ANGPTL2: variants seen among roughly 807,000 people sequenced by gnomAD.
The protein encoded by ANGPTL2 is angiopoietin like 2, also known as angiopoietin-related protein 2.
ANGPTL2 carries 25 observed loss-of-function variants against 52.8 expected under a neutral mutation model. The observed-to-expected ratio is 0.47, with a 90% CI of 0.35 to 0.66. The LOEUF (loss-of-function observed/expected upper bound fraction) is 0.66, where lower values mean the gene tolerates loss of function less well. Ranked by LOEUF, ANGPTL2 falls within the 30% of genes least tolerant of loss-of-function variation. The probability of loss-of-function intolerance (pLI) is 0.01; values close to 1 mark genes in which losing one functional copy is unlikely to be tolerated. For synonymous variants in ANGPTL2, 276 were observed against 277.4 expected (o/e 1.00, Z 0.05); for missense variants, 546 against 656.9 (o/e 0.83, Z 1.84).
intron 2 of ANGPTL2, among the ~76,000 whole-genome samples, chr9:127,107,372 C>T (rs1194797518): frequency 2.0e-5 from 3 of 152,312 alleles, no homozygotes; most frequent in African/African-American, 7.2e-5. Flanking sequence ...CATATGGAAG[C>T]ATCATTGAAA....
At chr9:127,106,093 G>A (rs979836054) in intron 2 of ANGPTL2, among the ~76,000 whole-genome samples, 1 of 152,222 alleles carries the variant, frequency 6.6e-6, no homozygotes, top group Non-Finnish European at 1.5e-5. Flanking sequence ...CCTATACTAT[G>A]TATCTGCCAG....
At chr9:127,093,953 C>G in intron 2 of ANGPTL2, 27 bp from the exon 3 acceptor site, 1 of 1,604,066 alleles carries the variant, frequency 6.2e-7, no homozygotes, top group Non-Finnish European at 8.5e-7. Context: ...GCATATACAT[C>G]ACAGACCTGC....
chr9:127,104,456 T>C (rs531273573), intron 2 of ANGPTL2, among the ~76,000 whole-genome samples: 3 of 152,280 alleles, frequency 2.0e-5, no homozygotes, highest in South Asian at 4.2e-4. Flanking sequence ...GCAGGATAGG[T>C]GGGGCAGAGG....
chr9:127,112,848 C>T (rs1446925461), intron 1 of ANGPTL2, among the ~76,000 whole-genome samples: 1 of 152,232 alleles, frequency 6.6e-6, no homozygotes, highest in East Asian at 1.9e-4. Context: ...CTAATGCTTG[C>T]ACAGGGCTTT....
At chr9:127,097,320 C>T (rs775479678) in intron 2 of ANGPTL2, among the ~76,000 whole-genome samples, 7 of 152,122 alleles carry the variant, frequency 4.6e-5, no homozygotes, top group Non-Finnish European at 1.0e-4. Context: ...CTAGAATAAT[C>T]GAGTAGGTAT....
intron 1 of ANGPTL2, among the ~76,000 whole-genome samples, chr9:127,110,951 G>A (rs1025344292): frequency 1.2e-4 from 18 of 151,970 alleles, no homozygotes; most frequent in African/African-American, 4.4e-4. Context: ...CAGCCAGAGT[G>A]GTCCTTTTTA....
intron 2 of ANGPTL2, among the ~76,000 whole-genome samples, chr9:127,096,753 A>G (rs1383365976): frequency 6.6e-6 from 1 of 152,234 alleles, no homozygotes; most frequent in Non-Finnish European, 1.5e-5. Context: ...ATACAGTTTC[A>G]GAAGGTAATG....
chr9:127,090,716 G>A (rs749313577), intron 4 of ANGPTL2, among the ~76,000 whole-genome samples: 1 of 152,232 alleles, frequency 6.6e-6, no homozygotes, highest in Non-Finnish European at 1.5e-5. Context: ...ATGGAGGCAG[G>A]AGGGGACTGG....
chr9:127,112,197 T>A (rs1229557586), intron 1 of ANGPTL2, among the ~76,000 whole-genome samples: 4 of 152,228 alleles, frequency 2.6e-5, no homozygotes, highest in Non-Finnish European at 4.4e-5. Flanking sequence ...AGCTTCTGGT[T>A]TGGGCTCTGC....
chr9:127,089,374 A>T (rs562712912), intron 4 of ANGPTL2, among the ~76,000 whole-genome samples: 1 of 152,198 alleles, frequency 6.6e-6, no homozygotes, highest in Admixed American at 6.5e-5. Flanking sequence ...TCTCCCAGCC[A>T]CTGTATCCTC....
chr9:127,101,577 A>T (rs533720363), intron 2 of ANGPTL2, among the ~76,000 whole-genome samples: 18 of 152,274 alleles, frequency 1.2e-4, no homozygotes, highest in African/African-American at 4.3e-4. Context: ...CCAGCTGAGA[A>T]CCAATAATAA....
At position 127,107,877 on chromosome 9, in the gene ANGPTL2, C is replaced by T. The variant is rs771700007; in HGVS notation, c.817+38G>A. 2.7e-6 allele frequency: 4 copies of T among 1,508,296 alleles called. No homozygotes were observed. The African/African-American group carries it at 5.6e-5, about 21-fold the overall frequency. The allele number at this position is 1,508,296 out of a possible 1,614,324, so 93.4% of individuals were successfully genotyped here. On this transcript the variant is annotated intron_variant, in intron 2 of 4. Transcript: ENST00000373425. Reference sequence around the variant, plus strand: ...GCCAAGGGAAGCCTGGTGCCTGGCTCTGAGACCCACATGTAACACGATCCC... The same window carrying T: ...GCCAAGGGAAGCCTGGTGCCTGGCTTTGAGACCCACATGTAACACGATCCC...
At chr9:127,114,660 T>C (rs1346643048) in intron 1 of ANGPTL2, among the ~76,000 whole-genome samples, 1 of 152,178 alleles carries the variant, frequency 6.6e-6, no homozygotes, top group East Asian at 1.9e-4. Context: ...GCACTGCCCA[T>C]TGGTCTGTGA....
rs116782593 is a variant in ANGPTL2 at position 127,113,942 on chromosome 9, A to G, written c.-49-5162T>C. 3.9e-3 allele frequency among the ~76,000 whole-genome samples: 595 copies of G among 152,348 alleles called. 5 individuals are homozygous for G. Among genetic ancestry groups the G allele is most frequent in the African/African-American group, 0.013 (561 of 41,584 alleles). ...TGGGAAGAGCTGTCATTTTCATCAG[A>G]TGGAGCTGTGTGTTCTGCCCTGCAG... On this transcript the variant is annotated intron_variant, in intron 1 of 4. Transcript: ENST00000373425.
Position 127,108,568 on chromosome 9 carries a change from G to C in ANGPTL2, c.164C>G (p.Thr55Ser). ...CTGCTGGGGCACAATGAAGGTGTAG[G>C]TGCACTTGTCCTGGGACTCGCCCGC... Reference protein sequence around the residue: ...KRAGESQDKCTYTFIVPQQRV... With the variant: ...KRAGESQDKCSYTFIVPQQRV... Residue 55 changes from threonine (T) to serine (S), a missense_variant, in exon 2 of 5, where the codon ACC becomes AGC. Transcript: ENST00000373425. 6.2e-7 allele frequency: 1 copy of C among 1,613,464 alleles called. No individual in the cohort carries two copies. The highest frequency in any genetic ancestry group is 8.5e-7 in the Non-Finnish European group (1 of 1,179,864).
chr9:127,112,719 T>C (rs924899619), intron 1 of ANGPTL2, among the ~76,000 whole-genome samples: 2 of 152,084 alleles, frequency 1.3e-5, no homozygotes, highest in African/African-American at 2.4e-5. Flanking sequence ...AAGCGGGAGA[T>C]TGGAATAATG....
chr9:127,119,497 T>C (rs186829794), intron 1 of ANGPTL2, among the ~76,000 whole-genome samples: 1 of 152,336 alleles, frequency 6.6e-6, no homozygotes, highest in Admixed American at 6.5e-5. Context: ...CAGTCCCACA[T>C]AATCACATAA....
chr9:127,106,721 C>A (rs762088185), intron 2 of ANGPTL2, among the ~76,000 whole-genome samples: 1 of 152,226 alleles, frequency 6.6e-6, no homozygotes, highest in Non-Finnish European at 1.5e-5. Context: ...ACCTCACCCA[C>A]CCCATCTGAA....
In ANGPTL2 at chr9:127,108,257, C is replaced by T; in HGVS notation, c.475G>A (p.Glu159Lys). 6.2e-7 allele frequency: 1 copy of T among 1,614,042 alleles called. No individual in the cohort carries two copies. Among genetic ancestry groups the T allele is most frequent in the Non-Finnish European group, 8.5e-7 (1 of 1,180,010 alleles). Reference protein sequence around the residue: ...RDNALELSQLENRILNQTADM... With the variant: ...RDNALELSQLKNRILNQTADM... ...GCTGTCTGGTTCAGGATCCTGTTCT[C>T]CAGCTGGGAGAGCTCCAACGCGTTG... The change falls in exon 2 of 5, where the codon GAG becomes AAG. Residue 159 changes from glutamate (E) to lysine (K), a missense_variant. By Grantham distance (56) the Glu-to-Lys change is moderately conservative. Transcript: ENST00000373425.
Sources: gnomAD v4.1 joint callset for allele counts (sites outside exome capture counted in the v4.1 genomes callset) on GRCh38, gnomAD v4.1.1 for gene constraint, MANE v1.5 for transcripts, NCBI Gene and HGNC (gene_info 2026-07-23, HGNC 2026-07-21) for gene names.